Variants in SH3PXD2B observed in about 807,000 individuals in gnomAD.
SH3PXD2B encodes SH3 and PX domain-containing protein 2B.
SH3PXD2B carries 37 observed loss-of-function variants against 73.1 expected under a neutral mutation model. That is an observed-to-expected ratio of 0.51 (90% CI 0.39 to 0.67). The LOEUF (loss-of-function observed/expected upper bound fraction) is 0.67. Among genes scored for constraint, SH3PXD2B ranks in the 30% least tolerant of loss-of-function variants. The probability of loss-of-function intolerance (pLI) is 0.00; values close to 1 mark genes in which losing one functional copy is unlikely to be tolerated. For missense variants in SH3PXD2B, 1,053 were observed against 1,197.8 expected (o/e 0.88, Z 1.78); for synonymous variants, 457 against 480.5 (o/e 0.95, Z 0.64).
At chr5:172,450,793 G>A (rs565750733) in intron 1 of SH3PXD2B, among the ~76,000 whole-genome samples, 2 of 152,134 alleles carry the variant, frequency 1.3e-5, no homozygotes, top group South Asian at 2.1e-4. Flanking sequence ...GCTGGGGAGG[G>A]TCTCCCAGGA....
At chr5:172,433,903 A>C (rs543170673) in intron 1 of SH3PXD2B, among the ~76,000 whole-genome samples, 3 of 151,872 alleles carry the variant, frequency 2.0e-5, no homozygotes, top group Admixed American at 6.6e-5. Flanking sequence ...CCAACCCTTC[A>C]CCTCCTCGCG....
chr5:172,336,597 T>C lies in SH3PXD2B; in HGVS notation c.*1772A>G. The C allele has an allele frequency of 3.0e-6, 3 of 984,220 alleles. No individual in the cohort carries two copies. The highest frequency in any genetic ancestry group is 3.6e-6 in the Non-Finnish European group (3 of 829,934). 61.0% of individuals were successfully genotyped at this position (984,220 alleles called of 1,614,324 possible). A position where few individuals can be genotyped will look rare whatever the true frequency, so the allele number is the denominator to read the frequency against. On this transcript the variant is annotated 3_prime_UTR_variant, in exon 13 of 13. Transcript: ENST00000311601. ...TCAAGCAAAACTTTGGCACTGCAGG[T>C]AGACACTGAGCATCCCCCCAAAAAA...
At chr5:172,451,080 G>A (rs1353560819) in intron 1 of SH3PXD2B, among the ~76,000 whole-genome samples, 4 of 152,248 alleles carry the variant, frequency 2.6e-5, no homozygotes, top group African/African-American at 4.8e-5. Flanking sequence ...CTGCCTGCGG[G>A]TGACTGAGGC....
chr5:172,384,145 G>A (rs1758008502), intron 4 of SH3PXD2B, among the ~76,000 whole-genome samples: 1 of 152,006 alleles, frequency 6.6e-6, no homozygotes, highest in Admixed American at 6.6e-5. Flanking sequence ...CGCCCGGCCT[G>A]TGTCTTGCAT....
Position 172,440,338 on chromosome 5 carries a change from C to T in SH3PXD2B, c.75+13940G>A, listed in dbSNP as rs1157126771. Among the ~76,000 whole-genome samples the T allele has an allele frequency of 2.0e-5, 3 of 152,358 alleles. No individual in the cohort carries two copies. The East Asian group carries it at 5.8e-4, about 29-fold the overall frequency. Reference sequence around the variant, plus strand: ...TTTCTGCCACTCCACCCTGCATCCCCCAGGTCTGACCTCCTGCCTCCAGCA... The same window carrying T: ...TTTCTGCCACTCCACCCTGCATCCCTCAGGTCTGACCTCCTGCCTCCAGCA... On this transcript the variant is annotated intron_variant, in intron 1 of 12. Transcript: ENST00000311601.
intron 2 of SH3PXD2B, among the ~76,000 whole-genome samples, chr5:172,412,722 G>A (rs1758729187): frequency 6.6e-6 from 1 of 152,196 alleles, no homozygotes; most frequent in South Asian, 2.1e-4. Context: ...CAAGGGACCA[G>A]GCCCAGGCTG....
intron 1 of SH3PXD2B, among the ~76,000 whole-genome samples, chr5:172,443,675 C>T (rs1392855770): frequency 6.6e-6 from 1 of 152,232 alleles, no homozygotes; most frequent in Admixed American, 6.5e-5. Flanking sequence ...TGACTGGAAG[C>T]CAACAGTGGC....
At chr5:172,382,252 G>T (rs986623173) in intron 4 of SH3PXD2B, 125 bp from the exon 5 acceptor site, 20 of 727,110 alleles carry the variant, frequency 2.8e-5, no homozygotes, top group Non-Finnish European at 4.3e-5. Context: ...GGAGGCGGAG[G>T]TTGCAGTGAG....
chr5:172,424,700 C>T (rs1759056458), intron 1 of SH3PXD2B, among the ~76,000 whole-genome samples: 1 of 152,168 alleles, frequency 6.6e-6, no homozygotes, highest in African/African-American at 2.4e-5. Context: ...CAAAACATGG[C>T]AGAAATGGGG....
Position 172,339,499 on chromosome 5 carries a change from G to A in SH3PXD2B, c.1606C>T (p.Leu536=). The change falls in exon 13 of 13, where the codon CTG becomes TTG. Residue 536 remains leucine, a synonymous_variant. Transcript: ENST00000311601. The surrounding 1 kb of genome is among the most constrained non-coding windows in gnomAD (Gnocchi z 6.1). ...KESIIKSEGE[L]LERERERQRT... is the part of the protein sequence containing the mutation. ...TGCCGCTCCCGCTCCCGCTCCAGCA[G>A]CTCCCCCTCCGACTTGATGATGGAT... is the stretch of plus-strand genomic sequence containing the variant. 1 of 1,613,940 alleles carries A rather than the reference G, an allele frequency of 6.2e-7. No individual in the cohort carries two copies. The highest frequency in any genetic ancestry group is 8.5e-7 in the Non-Finnish European group (1 of 1,179,904).
chr5:172,383,427 C>T (rs1300189399), intron 4 of SH3PXD2B, among the ~76,000 whole-genome samples: 2 of 152,230 alleles, frequency 1.3e-5, no homozygotes, highest in African/African-American at 2.4e-5. Context: ...CAGCACTGCA[C>T]TAGTTTCTGT....
At chr5:172,389,697 C>A (rs1758136728) in intron 4 of SH3PXD2B, among the ~76,000 whole-genome samples, 1 of 152,018 alleles carries the variant, frequency 6.6e-6, no homozygotes, top group South Asian at 2.1e-4. Flanking sequence ...CTGTATCCAG[C>A]CTGGGAGATA....
chr5:172,401,809 T>G (rs763400853), intron 3 of SH3PXD2B, among the ~76,000 whole-genome samples: 3 of 152,216 alleles, frequency 2.0e-5, no homozygotes, highest in Non-Finnish European at 2.9e-5. Context: ...ACTTCCCCAA[T>G]CAATATTCTT....
At chr5:172,364,666 C>T (rs374262243) in intron 6 of SH3PXD2B, among the ~76,000 whole-genome samples, 4 of 151,772 alleles carry the variant, frequency 2.6e-5, no homozygotes, top group Non-Finnish European at 5.9e-5. Flanking sequence ...CTCCGTCCTC[C>T]GCTCCCCGCC....
intron 1 of SH3PXD2B, among the ~76,000 whole-genome samples, chr5:172,426,687 G>C (rs973998034): frequency 3.9e-4 from 59 of 152,184 alleles, no homozygotes; most frequent in African/African-American, 1.3e-3. Context: ...AGACGGATGA[G>C]AACCAATTCC....
At position 172,338,316 on chromosome 5, in the gene SH3PXD2B, C is replaced by T. The variant is rs112852378; in HGVS notation, c.*53G>A. The T allele has an allele frequency of 7.4e-6, 12 of 1,612,714 alleles. No homozygotes were observed. Among genetic ancestry groups the T allele is most frequent in the African/African-American group, 5.3e-5 (4 of 74,888 alleles). On this transcript the variant is annotated 3_prime_UTR_variant, in exon 13 of 13. Transcript: ENST00000311601. This position sits in a 1 kb window ranked among gnomAD's most constrained non-coding sequence, Gnocchi z 5.1. ...GATAAATTAAGAGGCGTATTAAATA[C>T]GTGGGTAAAGCCAGCAAGGACCAGC...
chr5:172,354,122 AC>A lies in SH3PXD2B; in HGVS notation c.668-118del, dbSNP rs11402887. ...GGATTTCCTTCAGAGATTTCTGGGC[AC>A]CCCCCCTGGCCCTGACCTAGCCCTG... On this transcript the variant is annotated intron_variant, in intron 8 of 12. Coordinates refer to ENST00000311601, the MANE Select transcript of SH3PXD2B (RefSeq NM_001017995.3). 2.3e-4 allele frequency: 232 copies of A among 995,636 alleles called. 1 individual carries two copies. In the East Asian group the frequency reaches 3.7e-3, roughly 16 times the overall value. 61.7% of individuals were successfully genotyped at this position (995,636 alleles called of 1,614,324 possible). A position where few individuals can be genotyped will look rare whatever the true frequency, so the allele number is the denominator to read the frequency against.
At chr5:172,373,371 A>G (rs1017112138) in intron 6 of SH3PXD2B, among the ~76,000 whole-genome samples, 2 of 152,204 alleles carry the variant, frequency 1.3e-5, no homozygotes, top group African/African-American at 4.8e-5. Flanking sequence ...CTTAGCTCTC[A>G]GCTACCATAT....
In SH3PXD2B at chr5:172,445,448, G is replaced by A. The variant is rs1006121997; in HGVS notation, c.75+8830C>T. ...TGGTATTGAACTCCTGGGCTCAAGC[G>A]ATCTTCTCGCCTCAGCCTCCCAAGA... is the stretch of plus-strand genomic sequence containing the variant. On this transcript the variant is annotated intron_variant, in intron 1 of 12. Coordinates refer to ENST00000311601, the MANE Select transcript of SH3PXD2B (RefSeq NM_001017995.3). This position sits in a 1 kb window ranked among gnomAD's most constrained non-coding sequence, Gnocchi z 5.2. 2.0e-5 allele frequency among the ~76,000 whole-genome samples: 3 copies of A among 152,068 alleles called. No homozygotes were observed. The highest frequency in any genetic ancestry group is 4.8e-5 in the African/African-American group (2 of 41,404).
Sources: gnomAD v4.1 joint callset for allele counts (sites outside exome capture counted in the v4.1 genomes callset) on GRCh38, gnomAD v4.1.1 for gene constraint, Gnocchi (gnomAD v3.1) non-coding constraint, MANE v1.5 for transcripts, NCBI Gene and HGNC (gene_info 2026-07-23, HGNC 2026-07-21) for gene names.